GALNT11: variants seen among roughly 807,000 people sequenced by gnomAD.
GALNT11 encodes the protein UDP-GalNAc:polypeptide N-acetylgalactosaminyltransferase 11.
GALNT11 carries 47 observed loss-of-function variants against 72.7 expected under a neutral mutation model. The observed-to-expected ratio is 0.65, with a 90% CI of 0.51 to 0.82. GALNT11 has a LOEUF of 0.82. Ranked by LOEUF, GALNT11 falls within the 40% of genes least tolerant of loss-of-function variation. The pLI, the probability that GALNT11 is intolerant of heterozygous loss-of-function variation, is 0.00. For missense variants in GALNT11, 677 were observed against 778.4 expected (o/e 0.87, Z 1.55); for synonymous variants, 270 against 286.6 (o/e 0.94, Z 0.58).
intron 1 of GALNT11, among the ~76,000 whole-genome samples, chr7:152,062,481 G>A (rs1167402929): frequency 6.6e-6 from 1 of 152,174 alleles, no homozygotes; most frequent in African/African-American, 2.4e-5. Context: ...TGATTGCCCT[G>A]GCGAGGACTT....
intron 1 of GALNT11, among the ~76,000 whole-genome samples, chr7:152,080,695 C>T (rs575452140): frequency 1.3e-5 from 2 of 152,244 alleles, no homozygotes; most frequent in East Asian, 3.9e-4. Context: ...GGTACAGTGG[C>T]TCACGCCTGT....
intron 6 of GALNT11, among the ~76,000 whole-genome samples, chr7:152,108,937 G>A (rs959392334): frequency 2.0e-5 from 3 of 152,180 alleles, no homozygotes; most frequent in African/African-American, 7.2e-5. Context: ...AACAATGCCA[G>A]GATCTCAGAA....
chr7:152,051,225 T>TTC (rs1245243730), intron 1 of GALNT11, among the ~76,000 whole-genome samples: 2 of 136,718 alleles, frequency 1.5e-5, no homozygotes, highest in African/African-American at 6.4e-5. Context: ...TTTTTTTTTT[T>TTC]TCAGTAGTTT....
intron 1 of GALNT11, among the ~76,000 whole-genome samples, chr7:152,055,815 A>G (rs1330772532): frequency 6.6e-6 from 1 of 152,168 alleles, no homozygotes; most frequent in African/African-American, 2.4e-5. Flanking sequence ...TTTTTAAAAT[A>G]AAACATTTTG....
intron 1 of GALNT11, among the ~76,000 whole-genome samples, chr7:152,050,087 G>T (rs758779272): frequency 6.6e-6 from 1 of 151,992 alleles, no homozygotes; most frequent in Non-Finnish European, 1.5e-5. Flanking sequence ...CCAAGGGCCC[G>T]CTTGGTGCTC....
intron 1 of GALNT11, among the ~76,000 whole-genome samples, chr7:152,062,171 C>T (rs1299117298): frequency 6.6e-6 from 1 of 152,242 alleles, no homozygotes; most frequent in Middle Eastern, 3.4e-3. Context: ...TTGTAGTTCT[C>T]CTTGAAGAGA....
chr7:152,050,048 C>G (rs2083317630), intron 1 of GALNT11, among the ~76,000 whole-genome samples: 2 of 152,140 alleles, frequency 1.3e-5, no homozygotes, highest in Admixed American at 1.3e-4. Flanking sequence ...GAAATACCAT[C>G]CAAGAGCCAA....
chr7:152,110,559 A>G lies in GALNT11; in HGVS notation c.994A>G (p.Met332Val). 4 of 1,613,630 alleles carry G rather than the reference A, an allele frequency of 2.5e-6. No individual in the cohort carries two copies. The highest frequency in any genetic ancestry group is 1.1e-5 in the South Asian group (1 of 90,868). Residue 332 changes from methionine to valine, a missense_variant, in exon 7 of 12, where the codon ATG becomes GTG. Physicochemically the swap from Met to Val is conservative, Grantham distance 21. Transcript: ENST00000430044. The stretch of plus-strand genomic sequence containing the variant: ...AACAATGGCTGGAGGTTTGTTTGCC[A>G]TGAACAGACAGTATTTCCATGAACT... Reference protein sequence around the residue: ...SPTMAGGLFAMNRQYFHELGQ... With the variant: ...SPTMAGGLFAVNRQYFHELGQ...
intron 1 of GALNT11, among the ~76,000 whole-genome samples, chr7:152,078,605 A>C (rs992291646): frequency 3.9e-5 from 6 of 152,196 alleles, no homozygotes; most frequent in Non-Finnish European, 7.3e-5. Flanking sequence ...GTGATTCTTA[A>C]AGTTTTCCAC....
intron 1 of GALNT11, chr7:152,079,189 T>C (rs2085170305): frequency 6.6e-6 from 1 of 152,248 alleles, no homozygotes. Context: ...TGTTCTTTTC[T>C]ACCTCATAGA....
At chr7:152,118,642 T>C in intron 9 of GALNT11, 36 bp from the exon 10 acceptor site, 1 of 1,585,580 alleles carries the variant, frequency 6.3e-7, no homozygotes, top group Non-Finnish European at 8.6e-7. Context: ...TCTCTGGGAT[T>C]GTTTCCCACA....
intron 1 of GALNT11, among the ~76,000 whole-genome samples, chr7:152,057,237 A>G (rs976593273): frequency 6.8e-6 from 1 of 147,382 alleles, no homozygotes; most frequent in Non-Finnish European, 1.5e-5. Context: ...ATCTATTAGT[A>G]ATTTTTTTTT....
intron 1 of GALNT11, among the ~76,000 whole-genome samples, chr7:152,080,682 C>T (rs1477505127): frequency 6.6e-6 from 1 of 152,102 alleles, no homozygotes; most frequent in African/African-American, 2.4e-5. Context: ...TAATTGCGGG[C>T]CAGGTACAGT....
intron 1 of GALNT11, among the ~76,000 whole-genome samples, chr7:152,092,955 C>T (rs1243092855): frequency 6.6e-5 from 10 of 152,108 alleles, no homozygotes; most frequent in South Asian, 2.1e-4. Context: ...TTGCCAGGCA[C>T]GGTGGCCTCA....
At chr7:152,065,602 C>T (rs146303173) in intron 1 of GALNT11, among the ~76,000 whole-genome samples, 396 of 152,248 alleles carry the variant, frequency 2.6e-3, no homozygotes, top group Non-Finnish European at 4.6e-3. Flanking sequence ...ATGATGGTGA[C>T]GTACAGATGG....
intron 1 of GALNT11, among the ~76,000 whole-genome samples, chr7:152,060,844 G>T (rs904636743): frequency 6.6e-6 from 1 of 152,136 alleles, no homozygotes; most frequent in African/African-American, 2.4e-5. Flanking sequence ...TGGTGTATAT[G>T]CGCCACATTT....
chr7:152,078,919 A>G (rs2085146168), intron 1 of GALNT11, among the ~76,000 whole-genome samples: 1 of 152,222 alleles, frequency 6.6e-6, no homozygotes, highest in Admixed American at 6.5e-5. Context: ...TTTCAGCATA[A>G]TGGGCAGTCA....
chr7:152,036,261 A>G (rs2082575216), intron 1 of GALNT11, among the ~76,000 whole-genome samples: 1 of 152,110 alleles, frequency 6.6e-6, no homozygotes, highest in African/African-American at 2.4e-5. Context: ...AGCCTCTGGT[A>G]ACCATTATCT....
chr7:152,057,445 T>A (rs2083749141), intron 1 of GALNT11, among the ~76,000 whole-genome samples: 1 of 151,912 alleles, frequency 6.6e-6, no homozygotes, highest in African/African-American at 2.4e-5. Flanking sequence ...TAGCTGGGAT[T>A]ACAGGCGCCT....
Sources: gnomAD v4.1 joint callset for allele counts (sites outside exome capture counted in the v4.1 genomes callset) on GRCh38, gnomAD v4.1.1 for gene constraint, MANE v1.5 for transcripts, NCBI Gene and HGNC (gene_info 2026-07-23, HGNC 2026-07-21) for gene names.